The following ATRNL1 variants were observed in gnomAD, a reference collection of about 807,000 sequenced individuals.
The protein encoded by ATRNL1 is attractin like 1.
In ATRNL1, 95 loss-of-function variants were observed where a neutral mutation model predicts 182.7. That is an observed-to-expected ratio of 0.52 (90% CI 0.44 to 0.62). The LOEUF is 0.62. Ranked by LOEUF, ATRNL1 falls within the 20% of genes least tolerant of loss-of-function variation. ATRNL1 has a pLI of 0.00. For missense variants in ATRNL1, 1,471 were observed against 1,679.5 expected (o/e 0.88, Z 2.17); for synonymous variants, 576 against 568.3 (o/e 1.01, Z -0.19).
chr10:115,738,669 G>A (rs893762021), intron 27 of ATRNL1, among the ~76,000 whole-genome samples: 6 of 152,142 alleles, frequency 3.9e-5, no homozygotes, highest in East Asian at 1.9e-4. Context: ...CATAAACATC[G>A]TGAGTTTCAT....
At chr10:115,690,815 A>G (rs1049030350) in intron 26 of ATRNL1, among the ~76,000 whole-genome samples, 3 of 152,180 alleles carry the variant, frequency 2.0e-5, no homozygotes, top group South Asian at 2.1e-4. Flanking sequence ...TTTCTGGAGC[A>G]ATGTCCTCAT....
intron 13 of ATRNL1, among the ~76,000 whole-genome samples, chr10:115,275,588 C>CT (rs1478806175): frequency 6.6e-6 from 1 of 152,202 alleles, no homozygotes; most frequent in Non-Finnish European, 1.5e-5. Context: ...TACCTAGCCC[C>CT]TGCCAACCTA....
rs913467246 is a variant in ATRNL1, at chr10:115,376,346, G to C, written c.3176-18313G>C. On this transcript the variant is annotated intron_variant, in intron 19 of 28. Coordinates refer to ENST00000355044, the MANE Select transcript of ATRNL1 (RefSeq NM_207303.4). Reference sequence around the variant, plus strand: ...GCTTTGTTGCCCAGGCTAGAGTGCAGTGGTGTGATCATAGCTCATTGTAAC... The same window carrying C: ...GCTTTGTTGCCCAGGCTAGAGTGCACTGGTGTGATCATAGCTCATTGTAAC... Among the ~76,000 whole-genome samples the C allele has an allele frequency of 2.0e-5, 3 of 152,066 alleles. No homozygotes were observed. The East Asian group carries it at 5.8e-4, about 29-fold the overall frequency.
intron 17 of ATRNL1, among the ~76,000 whole-genome samples, chr10:115,309,122 C>G (rs939798453): frequency 1.1e-4 from 16 of 151,884 alleles, no homozygotes; most frequent in African/African-American, 3.6e-4. Flanking sequence ...TGTGTATCCC[C>G]ATTTTTCTAT....
intron 26 of ATRNL1, among the ~76,000 whole-genome samples, chr10:115,570,446 A>G (rs11197301): frequency 0.47 from 71,802 of 152,072 alleles, 18,080 homozygotes; most frequent in African/African-American, 0.58. Context: ...TTTATGCTTG[A>G]TTTCAAATTT....
intron 9 of ATRNL1, among the ~76,000 whole-genome samples, chr10:115,220,190 A>G (rs1414487043): frequency 6.6e-6 from 1 of 152,198 alleles, no homozygotes; most frequent in Non-Finnish European, 1.5e-5. Context: ...CTTCAGCAAT[A>G]GGCAGGATCA....
At chr10:115,642,083 A>G (rs1555030616) in intron 26 of ATRNL1, among the ~76,000 whole-genome samples, 1 of 152,102 alleles carries the variant, frequency 6.6e-6, no homozygotes, top group African/African-American at 2.4e-5. Context: ...TTATAATGTT[A>G]CTAATATTTT....
At chr10:115,481,773 T>C (rs1848781766) in intron 24 of ATRNL1, among the ~76,000 whole-genome samples, 1 of 150,902 alleles carries the variant, frequency 6.6e-6, no homozygotes, top group Non-Finnish European at 1.5e-5. Context: ...TTGTTTTAGC[T>C]CTAGACACGC....
At chr10:115,155,256 T>G (rs1271390972) in intron 5 of ATRNL1, among the ~76,000 whole-genome samples, 1 of 151,968 alleles carries the variant, frequency 6.6e-6, no homozygotes, top group African/African-American at 2.4e-5. Flanking sequence ...AAAAAATCCA[T>G]TCAGTCAGTC....
chr10:115,663,669 A>G (rs1450245242), intron 26 of ATRNL1, among the ~76,000 whole-genome samples: 1 of 152,042 alleles, frequency 6.6e-6, no homozygotes, highest in Non-Finnish European at 1.5e-5. Context: ...AATGAGTTCA[A>G]TGTAGTCATA....
At chr10:115,142,080 C>T (rs1390798111) in intron 5 of ATRNL1, among the ~76,000 whole-genome samples, 1 of 151,922 alleles carries the variant, frequency 6.6e-6, no homozygotes, top group Non-Finnish European at 1.5e-5. Context: ...TACATTCAAG[C>T]TAGGAGAGAC....
chr10:115,212,893 G>A (rs1393409064), intron 8 of ATRNL1, among the ~76,000 whole-genome samples: 1 of 151,918 alleles, frequency 6.6e-6, no homozygotes, highest in Non-Finnish European at 1.5e-5. Flanking sequence ...GTAACTAATG[G>A]GTACTAGGCT....
chr10:115,455,804 C>A (rs1351919327), intron 21 of ATRNL1, among the ~76,000 whole-genome samples: 1 of 152,072 alleles, frequency 6.6e-6, no homozygotes, highest in Non-Finnish European at 1.5e-5. Context: ...AATCAAACAA[C>A]CCCATCAAAA....
At chr10:115,109,244 T>A (rs1398536132) in intron 1 of ATRNL1, among the ~76,000 whole-genome samples, 1 of 152,208 alleles carries the variant, frequency 6.6e-6, no homozygotes, top group Non-Finnish European at 1.5e-5. Context: ...GATAAAGCAG[T>A]GTTCTATGCT....
chr10:115,132,753 C>A lies in ATRNL1; in HGVS notation c.829+3218C>A, dbSNP rs184076087. On this transcript the variant is annotated intron_variant, in intron 5 of 28. Coordinates refer to ENST00000355044, the MANE Select transcript of ATRNL1 (RefSeq NM_207303.4). ...TCTTTTGAGAAGTGTCTGTTCATAT[C>A]CCTCACCCACTTTTTGATGGGGTTG... is the stretch of plus-strand genomic sequence containing the variant. Among the ~76,000 whole-genome samples, 45 of 152,280 alleles carry A rather than the reference C, an allele frequency of 3.0e-4. 1 individual carries two copies. Among genetic ancestry groups the A allele is most frequent in the Non-Finnish European group, 7.3e-5 (5 of 68,034 alleles).
chr10:115,865,108 T>C (rs916800440), intron 28 of ATRNL1, among the ~76,000 whole-genome samples: 18 of 152,150 alleles, frequency 1.2e-4, no homozygotes, highest in Non-Finnish European at 1.9e-4. Context: ...AAATAATACA[T>C]TGGAGTCTAA....
intron 7 of ATRNL1, among the ~76,000 whole-genome samples, chr10:115,167,455 G>A (rs945230891): frequency 2.0e-5 from 3 of 151,884 alleles, no homozygotes; most frequent in African/African-American, 7.3e-5. Flanking sequence ...GTTTTGACAG[G>A]GATTGTATTG....
At chr10:115,192,707 C>T (rs868947755) in intron 8 of ATRNL1, among the ~76,000 whole-genome samples, 1,786 of 151,890 alleles carry the variant, frequency 0.012, 33 homozygotes, top group African/African-American at 0.04. Flanking sequence ...AATATTTTTC[C>T]AAATCCGTTT....
intron 20 of ATRNL1, among the ~76,000 whole-genome samples, chr10:115,410,776 C>T (rs1170505884): frequency 6.6e-6 from 1 of 152,022 alleles, no homozygotes; most frequent in Non-Finnish European, 1.5e-5. Flanking sequence ...CTCAACTTGT[C>T]ATCCAGGCTG....
Sources: gnomAD v4.1 joint callset for allele counts (sites outside exome capture counted in the v4.1 genomes callset) on GRCh38, gnomAD v4.1.1 for gene constraint, MANE v1.5 for transcripts, NCBI Gene and HGNC (gene_info 2026-07-23, HGNC 2026-07-21) for gene names.